OSBPL1A: variants seen among roughly 807,000 people sequenced by gnomAD.
The protein encoded by OSBPL1A is oxysterol binding protein like 1A, also known as oxysterol-binding protein-related protein 1.
In OSBPL1A, 80 loss-of-function variants were observed where a neutral mutation model predicts 137.1. The ratio of observed to expected loss-of-function variants is 0.58; its 90% CI spans 0.49 to 0.70. The LOEUF is 0.70. Ranked by LOEUF, OSBPL1A falls within the 30% of genes least tolerant of loss-of-function variation. OSBPL1A has a pLI of 0.00. For missense variants in OSBPL1A, 970 were observed against 1,129.4 expected (o/e 0.86, Z 2.02); for synonymous variants, 365 against 389.7 (o/e 0.94, Z 0.75).
At chr18:24,230,819 G>A (rs1334328096) in intron 16 of OSBPL1A, among the ~76,000 whole-genome samples, 1 of 152,148 alleles carries the variant, frequency 6.6e-6, no homozygotes, top group Non-Finnish European at 1.5e-5. Flanking sequence ...AACTTTTGAT[G>A]AGCACTTAGG....
intron 14 of OSBPL1A, among the ~76,000 whole-genome samples, chr18:24,294,867 T>C (rs1451121796): frequency 6.6e-6 from 1 of 152,234 alleles, no homozygotes; most frequent in African/African-American, 2.4e-5. Context: ...ATTGTGCTGC[T>C]GTGAACATGG....
intron 16 of OSBPL1A, among the ~76,000 whole-genome samples, chr18:24,227,234 TTTTC>T (rs2088113060): frequency 6.6e-6 from 1 of 152,118 alleles, no homozygotes; most frequent in Non-Finnish European, 1.5e-5. Flanking sequence ...AGACATTTAT[TTTTC>T]TTTGTCAATT....
intron 15 of OSBPL1A, 136 bp from the exon 16 acceptor site, chr18:24,239,518 C>T (rs755247062): frequency 8.4e-6 from 7 of 829,896 alleles, no homozygotes; most frequent in Non-Finnish European, 1.1e-5. Flanking sequence ...GTCACATGTG[C>T]ATGGATGAAT....
intron 13 of OSBPL1A, among the ~76,000 whole-genome samples, chr18:24,305,066 A>G (rs2090474934): frequency 6.6e-6 from 1 of 152,218 alleles, no homozygotes; most frequent in South Asian, 2.1e-4. Flanking sequence ...TGATGAATAG[A>G]AAATCATCAT....
chr18:24,211,886 G>A (rs1013900701), intron 17 of OSBPL1A, among the ~76,000 whole-genome samples: 6 of 146,698 alleles, frequency 4.1e-5, no homozygotes, highest in Admixed American at 7.0e-5. Context: ...TCCAGCCTGG[G>A]CAACAGAGCG....
intron 13 of OSBPL1A, among the ~76,000 whole-genome samples, chr18:24,305,508 TAAAAC>T (rs2090481843): frequency 6.6e-6 from 1 of 152,242 alleles, no homozygotes; most frequent in Non-Finnish European, 1.5e-5. Context: ...ATTAATATAA[TAAAAC>T]ATAATATGGT....
Position 24,225,003 on chromosome 18 carries a change from T to A in OSBPL1A, c.1601+39A>T, listed in dbSNP as rs769738676. On this transcript the variant is annotated intron_variant, in intron 17 of 27. Coordinates refer to ENST00000319481, the MANE Select transcript of OSBPL1A (RefSeq NM_080597.4). The stretch of plus-strand genomic sequence containing the variant: ...TTATGAATCCAAATGTACTTTATCG[T>A]AAAAACGCAGCAGTGACAACTGTCA... The A allele has an allele frequency of 1.5e-5, 24 of 1,610,534 alleles. No individual in the cohort carries two copies. In the South Asian group the frequency reaches 2.5e-4, roughly 17 times the overall value.
At chr18:24,207,045 A>C (rs1228399987) in intron 17 of OSBPL1A, among the ~76,000 whole-genome samples, 2 of 152,228 alleles carry the variant, frequency 1.3e-5, no homozygotes, top group Admixed American at 6.5e-5. Flanking sequence ...AAAGAAAGAA[A>C]AACGGTGAAA....
At chr18:24,254,742 A>C (rs2089219185) in intron 15 of OSBPL1A, among the ~76,000 whole-genome samples, 1 of 152,192 alleles carries the variant, frequency 6.6e-6, no homozygotes. Context: ...GAAAACTTCA[A>C]ACAAATAACC....
In OSBPL1A at chr18:24,166,718, A is replaced by T; in HGVS notation, c.2536-16T>A. 1 of 1,602,916 alleles carries T rather than the reference A, an allele frequency of 6.2e-7. No individual in the cohort carries two copies. The highest frequency in any genetic ancestry group is 8.5e-7 in the Non-Finnish European group (1 of 1,176,732). ...AATTATACATCTGAAAAGAAGCAAA[A>T]GGAAGAAATTAAAATATGCCAAGGC... On this transcript the variant is annotated splice_polypyrimidine_tract_variant and intron_variant, in intron 25 of 27. Transcript: ENST00000319481.
chr18:24,256,547 G>C (rs1291639172), intron 15 of OSBPL1A, among the ~76,000 whole-genome samples: 1 of 152,146 alleles, frequency 6.6e-6, no homozygotes, highest in Non-Finnish European at 1.5e-5. Context: ...TTTCCTTTAA[G>C]ATATGGAACA....
At chr18:24,192,692 C>T (rs2145939751) in intron 18 of OSBPL1A, among the ~76,000 whole-genome samples, 1 of 152,288 alleles carries the variant, frequency 6.6e-6, no homozygotes, top group Non-Finnish European at 1.5e-5. Flanking sequence ...GATGGGGCTG[C>T]AGACACGGGG....
intron 19 of OSBPL1A, 46 bp from the exon 20 acceptor site, chr18:24,179,881 T>C (rs765323721): frequency 6.7e-7 from 1 of 1,490,666 alleles, no homozygotes; most frequent in Non-Finnish European, 9.3e-7. Flanking sequence ...CCGAGCTCGC[T>C]CCGCATTCTT....
intron 11 of OSBPL1A, among the ~76,000 whole-genome samples, chr18:24,315,048 C>T (rs1294522577): frequency 2.0e-5 from 3 of 152,060 alleles, no homozygotes; most frequent in Non-Finnish European, 2.9e-5. Context: ...AACCCGGATA[C>T]GAAAGAAAAG....
At chr18:24,301,763 C>G (rs1380734202) in intron 14 of OSBPL1A, among the ~76,000 whole-genome samples, 2 of 152,140 alleles carry the variant, frequency 1.3e-5, no homozygotes, top group African/African-American at 4.8e-5. Context: ...GCTATAACTG[C>G]TGATAAAAAT....
At chr18:24,370,012 A>AG (rs1162191409) in intron 2 of OSBPL1A, among the ~76,000 whole-genome samples, 1 of 152,206 alleles carries the variant, frequency 6.6e-6, no homozygotes, top group African/African-American at 2.4e-5. Context: ...GCTTGAGCCC[A>AG]GGAGTTCAAG....
At chr18:24,183,725 C>T (rs1243027952) in intron 18 of OSBPL1A, among the ~76,000 whole-genome samples, 2 of 152,170 alleles carry the variant, frequency 1.3e-5, no homozygotes, top group East Asian at 1.9e-4. Flanking sequence ...CGTGAGCCAC[C>T]GTGCCCAGCC....
At chr18:24,374,158 T>G (rs1012807206) in intron 2 of OSBPL1A, among the ~76,000 whole-genome samples, 1 of 152,180 alleles carries the variant, frequency 6.6e-6, no homozygotes, top group African/African-American at 2.4e-5. Flanking sequence ...TTTTTAAATA[T>G]TTTTTCCTCA....
intron 21 of OSBPL1A, among the ~76,000 whole-genome samples, chr18:24,174,867 G>A (rs544534748): frequency 7.9e-5 from 12 of 151,440 alleles, no homozygotes; most frequent in African/African-American, 7.3e-5. Context: ...CGAACTCCTC[G>A]GCTCAAGTGA....
Sources: gnomAD v4.1 joint callset for allele counts (sites outside exome capture counted in the v4.1 genomes callset) on GRCh38, gnomAD v4.1.1 for gene constraint, MANE v1.5 for transcripts, NCBI Gene and HGNC (gene_info 2026-07-23, HGNC 2026-07-21) for gene names.